The following STXBP5L variants were observed in gnomAD, a reference collection of about 807,000 sequenced individuals.
STXBP5L encodes syntaxin-binding protein 5-like.
In STXBP5L, 65 loss-of-function variants were observed where a neutral mutation model predicts 144.5. That is an observed-to-expected ratio of 0.45 (90% CI 0.37 to 0.55). STXBP5L has a LOEUF of 0.55. Among genes scored for constraint, STXBP5L ranks in the 20% least tolerant of loss-of-function variants. The pLI is 0.00. For synonymous variants in STXBP5L, 505 were observed against 469.6 expected, an observed-to-expected ratio of 1.08 and a Z score of -0.97; for missense variants, 1,298 against 1,405.5, an observed-to-expected ratio of 0.92 and a Z score of 1.22.
intron 5 of STXBP5L, among the ~76,000 whole-genome samples, chr3:121,081,497 GT>G (rs1352352254): frequency 6.6e-6 from 1 of 152,100 alleles, no homozygotes; most frequent in African/African-American, 2.4e-5. Flanking sequence ...TTGTCTGCTG[GT>G]TTTCCCAGAT....
chr3:121,210,398 G>A (rs1221551989), intron 10 of STXBP5L, among the ~76,000 whole-genome samples: 1 of 151,754 alleles, frequency 6.6e-6, no homozygotes, highest in Non-Finnish European at 1.5e-5. Context: ...CACTCTGATG[G>A]TCGTTTCTTT....
chr3:121,090,400 A>C (rs2042719677), intron 5 of STXBP5L, among the ~76,000 whole-genome samples: 1 of 152,064 alleles, frequency 6.6e-6, no homozygotes, highest in African/African-American at 2.4e-5. Context: ...GAATAAGAGT[A>C]CCTCCTTACT....
intron 20 of STXBP5L, among the ~76,000 whole-genome samples, chr3:121,365,440 T>C (rs913761632): frequency 6.6e-6 from 1 of 151,790 alleles, no homozygotes; most frequent in African/African-American, 2.4e-5. Flanking sequence ...TTGTTACTGA[T>C]TAAATCTTTT....
chr3:120,946,816 A>G (rs565116032), intron 2 of STXBP5L, among the ~76,000 whole-genome samples: 97 of 151,814 alleles, frequency 6.4e-4, no homozygotes, highest in African/African-American at 2.2e-3. Context: ...GATTCTGCCA[A>G]TGGGAGGCAC....
chr3:121,274,409 T>C (rs2050820181), intron 18 of STXBP5L, among the ~76,000 whole-genome samples: 1 of 152,252 alleles, frequency 6.6e-6, no homozygotes, highest in Admixed American at 6.5e-5. Flanking sequence ...ACTGTAGTGG[T>C]TAAGGCTGTT....
intron 11 of STXBP5L, among the ~76,000 whole-genome samples, chr3:121,231,698 G>A (rs1380704715): frequency 1.3e-5 from 2 of 152,148 alleles, no homozygotes; most frequent in Non-Finnish European, 2.9e-5. Flanking sequence ...CCTTCCCAGT[G>A]AATCACCCAA....
chr3:121,191,696 C>G (rs1224920684), intron 9 of STXBP5L, among the ~76,000 whole-genome samples: 1 of 152,114 alleles, frequency 6.6e-6, no homozygotes. Context: ...AATTCTCCAA[C>G]CCGAATGTCC....
intron 5 of STXBP5L, among the ~76,000 whole-genome samples, chr3:121,113,672 C>CTTTTTTTTTTTT (rs1231857211): frequency 7.3e-5 from 9 of 122,562 alleles, no homozygotes; most frequent in South Asian, 2.6e-4. Flanking sequence ...TTTTCTTTTT[C>CTTTTTTTTTTTT]TTTTTTTTTT....
intron 6 of STXBP5L, among the ~76,000 whole-genome samples, chr3:121,120,873 T>C (rs969316754): frequency 1.3e-5 from 2 of 151,256 alleles, no homozygotes; most frequent in Non-Finnish European, 3.0e-5. Flanking sequence ...GGAGCAATAA[T>C]AAAACCCTTG....
intron 22 of STXBP5L, among the ~76,000 whole-genome samples, chr3:121,399,146 C>T (rs1484519637): frequency 6.6e-6 from 1 of 152,172 alleles, no homozygotes; most frequent in East Asian, 1.9e-4. Flanking sequence ...CTTCATTATA[C>T]TCTCCTTCCT....
intron 5 of STXBP5L, among the ~76,000 whole-genome samples, chr3:121,110,517 T>C (rs945773231): frequency 6.6e-6 from 1 of 152,208 alleles, no homozygotes; most frequent in Non-Finnish European, 1.5e-5. Flanking sequence ...AAATTCTGGG[T>C]TGAGTATTCT....
At chr3:121,250,195 C>T (rs2049985593) in intron 14 of STXBP5L, among the ~76,000 whole-genome samples, 1 of 151,882 alleles carries the variant, frequency 6.6e-6, no homozygotes, top group African/African-American at 2.4e-5. Flanking sequence ...CAGGGTAATG[C>T]TGAGTTCATC....
intron 4 of STXBP5L, among the ~76,000 whole-genome samples, chr3:121,044,728 C>G (rs934661952): frequency 5.3e-5 from 8 of 152,084 alleles, no homozygotes; most frequent in African/African-American, 1.9e-4. Flanking sequence ...GTCATACAAA[C>G]AGTTATTATC....
intron 22 of STXBP5L, among the ~76,000 whole-genome samples, chr3:121,392,993 T>C (rs1448294973): frequency 3.3e-5 from 5 of 151,866 alleles, no homozygotes; most frequent in Non-Finnish European, 7.4e-5. Context: ...TTTTAGTTAT[T>C]TGAGACATCT....
intron 22 of STXBP5L, among the ~76,000 whole-genome samples, chr3:121,387,961 G>A (rs1288017864): frequency 6.6e-6 from 1 of 152,096 alleles, no homozygotes; most frequent in African/African-American, 2.4e-5. Context: ...AGCTTGATGG[G>A]GATGGCATTG....
chr3:121,122,961 A>C (rs527529281), intron 7 of STXBP5L, among the ~76,000 whole-genome samples: 1 of 151,580 alleles, frequency 6.6e-6, no homozygotes, highest in East Asian at 1.9e-4. Flanking sequence ...GTAAGAAATC[A>C]ATATATAATA....
chr3:121,039,653 G>A (rs574929924), intron 3 of STXBP5L, among the ~76,000 whole-genome samples: 2 of 151,762 alleles, frequency 1.3e-5, no homozygotes, highest in East Asian at 3.9e-4. Context: ...TCAGTTTTAT[G>A]TGTCTGAAAA....
chr3:121,206,657 C>A (rs2048346351), intron 10 of STXBP5L, among the ~76,000 whole-genome samples: 1 of 151,806 alleles, frequency 6.6e-6, no homozygotes, highest in African/African-American at 2.4e-5. Flanking sequence ...TAGAAATACA[C>A]AAAAAAATTA....
intron 3 of STXBP5L, among the ~76,000 whole-genome samples, chr3:120,964,890 T>C (rs1939364508): frequency 6.6e-6 from 1 of 152,156 alleles, no homozygotes; most frequent in South Asian, 2.1e-4. Flanking sequence ...CTCCCATTAT[T>C]ATTGTGTGGG....
Sources: gnomAD v4.1 joint callset for allele counts (sites outside exome capture counted in the v4.1 genomes callset) on GRCh38, gnomAD v4.1.1 for gene constraint, MANE v1.5 for transcripts, NCBI Gene and HGNC (gene_info 2026-07-23, HGNC 2026-07-21) for gene names.